Variants in L3MBTL3 observed in about 807,000 individuals in gnomAD.
L3MBTL3 encodes L3MBTL histone methyl-lysine binding protein 3, also known as lethal(3)malignant brain tumor-like protein 3.
In L3MBTL3, 27 loss-of-function variants were observed where a neutral mutation model predicts 102.3. The ratio of observed to expected loss-of-function variants is 0.26; its 90% CI spans 0.19 to 0.36. L3MBTL3 has a LOEUF of 0.36. Among genes scored for constraint, L3MBTL3 ranks in the 10% least tolerant of loss-of-function variants. L3MBTL3 has a pLI of 1.00. For synonymous variants in L3MBTL3, 340 were observed against 320.9 expected (o/e 1.06, Z -0.64); for missense variants, 798 against 955.3 (o/e 0.84, Z 2.17).
At chr6:130,053,020 A>AC in intron 7 of L3MBTL3, 29 bp downstream of exon 7, 1 of 1,537,254 alleles carries the variant, frequency 6.5e-7, no homozygotes, top group Non-Finnish European at 9.0e-7. Flanking sequence ...CACCAGGAGC[A>AC]CAGGGATGCA....
intron 2 of L3MBTL3, among the ~76,000 whole-genome samples, chr6:130,034,206 G>GACAC (rs964334147): frequency 6.6e-6 from 1 of 152,036 alleles, no homozygotes; most frequent in Non-Finnish European, 1.5e-5. Context: ...GATTATGAAG[G>GACAC]ACACACAAAC....
intron 19 of L3MBTL3, among the ~76,000 whole-genome samples, chr6:130,107,860 G>T (rs2115382080): frequency 6.6e-6 from 1 of 152,302 alleles, no homozygotes; most frequent in Admixed American, 6.5e-5. Context: ...TTTTGCCATT[G>T]TTCTGCATGC....
At chr6:130,134,611 T>C (rs1391082699) in intron 22 of L3MBTL3, among the ~76,000 whole-genome samples, 1 of 152,196 alleles carries the variant, frequency 6.6e-6, no homozygotes, top group Non-Finnish European at 1.5e-5. Context: ...GCCACTTGCC[T>C]GTCATCTCCT....
At chr6:130,106,820 G>T (rs1275032181) in intron 19 of L3MBTL3, among the ~76,000 whole-genome samples, 2 of 152,148 alleles carry the variant, frequency 1.3e-5, no homozygotes, top group African/African-American at 4.8e-5. Flanking sequence ...TGTAACCCAA[G>T]GCTGGAAACA....
chr6:130,019,312 G>A (rs1389353687), intron 1 of L3MBTL3: 1 of 145,698 alleles, frequency 6.9e-6, no homozygotes, highest in African/African-American at 2.5e-5. Context: ...GGGCGCCGGC[G>A]GGGGGCGCGG....
At chr6:130,109,061 A>T (rs1785183158) in intron 19 of L3MBTL3, among the ~76,000 whole-genome samples, 1 of 152,114 alleles carries the variant, frequency 6.6e-6, no homozygotes, top group African/African-American at 2.4e-5. Flanking sequence ...GCTGCATAGC[A>T]TTTCATGGTG....
At chr6:130,084,904 A>G (rs1783585394) in intron 15 of L3MBTL3, among the ~76,000 whole-genome samples, 1 of 152,072 alleles carries the variant, frequency 6.6e-6, no homozygotes, top group African/African-American at 2.4e-5. Flanking sequence ...ATCTCGTCTC[A>G]CTACAATCTC....
At position 130,066,421 on chromosome 6, in the gene L3MBTL3, A is replaced by T. The variant is rs762813063; in HGVS notation, c.933A>T (p.Ala311=). The change falls in exon 11 of 23, where the codon GCA becomes GCT. Residue 311 remains alanine, a synonymous_variant. Transcript: ENST00000361794. ...ATTGCTATGACTTCTGGGTGAATGC[A>T]GACGCTCTGGATATCCACCCAGTTG... ...YSDCYDFWVN[A]DALDIHPVGW... 1 of 1,612,128 alleles carries T rather than the reference A, an allele frequency of 6.2e-7. No homozygotes were observed.
chr6:130,071,874 A>G (rs1782658322), intron 13 of L3MBTL3, among the ~76,000 whole-genome samples: 1 of 152,148 alleles, frequency 6.6e-6, no homozygotes, highest in Non-Finnish European at 1.5e-5. Flanking sequence ...CACATTGATA[A>G]TTTCCATTAC....
At chr6:130,132,606 AG>A (rs1387598386) in intron 20 of L3MBTL3, among the ~76,000 whole-genome samples, 1 of 152,202 alleles carries the variant, frequency 6.6e-6, no homozygotes, top group Non-Finnish European at 1.5e-5. Flanking sequence ...TTTTCAGAAA[AG>A]GTTTCTGTTC....
chr6:130,113,780 G>C (rs1336381438), intron 19 of L3MBTL3, among the ~76,000 whole-genome samples: 1 of 152,178 alleles, frequency 6.6e-6, no homozygotes, highest in Non-Finnish European at 1.5e-5. Context: ...AATTTTGCTA[G>C]TCACACCGAA....
intron 20 of L3MBTL3, among the ~76,000 whole-genome samples, chr6:130,126,079 C>T (rs1786584024): frequency 6.7e-6 from 1 of 150,332 alleles, no homozygotes; most frequent in African/African-American, 2.4e-5. Flanking sequence ...CTCCCTCGCT[C>T]CCTCCCTCCC....
chr6:130,033,731 A>G (rs1441501038), intron 2 of L3MBTL3, among the ~76,000 whole-genome samples: 1 of 152,246 alleles, frequency 6.6e-6, no homozygotes, highest in Non-Finnish European at 1.5e-5. Context: ...TAACCGTAGT[A>G]TTTCTATACC....
intron 18 of L3MBTL3, among the ~76,000 whole-genome samples, chr6:130,094,718 T>A (rs1784258904): frequency 6.6e-6 from 1 of 152,176 alleles, no homozygotes; most frequent in African/African-American, 2.4e-5. Context: ...ATTATCTGAT[T>A]GGGTGACTTG....
At chr6:130,101,580 C>T (rs1485767154) in intron 18 of L3MBTL3, among the ~76,000 whole-genome samples, 3 of 152,260 alleles carry the variant, frequency 2.0e-5, no homozygotes, top group African/African-American at 7.2e-5. Context: ...CTTGCGATTG[C>T]AGCCTCCATG....
At chr6:130,053,624 G>A in intron 7 of L3MBTL3, among the ~76,000 whole-genome samples, 1 of 140,758 alleles carries the variant, frequency 7.1e-6, no homozygotes, top group Admixed American at 7.8e-5. Context: ...GACAGAGCGA[G>A]ACTGTGTCTC....
At chr6:130,096,795 T>C (rs1037093750) in intron 18 of L3MBTL3, among the ~76,000 whole-genome samples, 1 of 152,210 alleles carries the variant, frequency 6.6e-6, no homozygotes, top group Admixed American at 6.5e-5. Flanking sequence ...TGGAAGACTT[T>C]ATAGAGGAAT....
In L3MBTL3 at chr6:130,049,405, T is replaced by A; in HGVS notation, c.214+12T>A. 1 of 1,413,444 alleles carries A rather than the reference T, an allele frequency of 7.1e-7. No homozygotes were observed. The highest frequency in any genetic ancestry group is 2.3e-5 in the East Asian group (1 of 43,890). The allele number at this position is 1,413,444 out of a possible 1,614,324, so 87.6% of individuals were successfully genotyped here. ...AACTGCTCAAGAAGGTAAGGATGGG[T>A]CATCTGCATTTTATTTCTTGCTTTT... On this transcript the variant is annotated intron_variant, in intron 4 of 22. Transcript: ENST00000361794.
Position 130,072,701 on chromosome 6 carries a change from G to A in L3MBTL3, c.1244+1574G>A, listed in dbSNP as rs539710191. ...AAAATCCCAACTCTGGGATTGTTTCGAAATCAGTGACAGATATCAGAGCAT... is the reference window on the plus strand; with the variant it reads ...AAAATCCCAACTCTGGGATTGTTTCAAAATCAGTGACAGATATCAGAGCAT... On this transcript the variant is annotated intron_variant, in intron 13 of 22. Coordinates refer to ENST00000361794, the MANE Select transcript of L3MBTL3 (RefSeq NM_032438.4). Among the ~76,000 whole-genome samples the A allele has an allele frequency of 9.9e-5, 15 of 152,150 alleles. 1 individual carries two copies. Among genetic ancestry groups the A allele is most frequent in the African/African-American group, 2.2e-4 (9 of 41,514 alleles).
Sources: allele counts gnomAD v4.1 joint callset (sites outside exome capture counted in the v4.1 genomes callset), GRCh38; gene constraint gnomAD v4.1.1; transcripts MANE v1.5; gene names NCBI Gene and HGNC (gene_info 2026-07-23, HGNC 2026-07-21).